CAPN2: variants seen among roughly 807,000 people sequenced by gnomAD.
The protein encoded by CAPN2 is calpain 2, also known as calpain-2 catalytic subunit.
CAPN2 carries 92 observed loss-of-function variants against 102.3 expected under a neutral mutation model. The ratio of observed to expected loss-of-function variants is 0.90; its 90% CI spans 0.76 to 1.07. The LOEUF (loss-of-function observed/expected upper bound fraction) is 1.07, where lower values mean the gene tolerates loss of function less well. CAPN2 is among the 50% of genes least tolerant of loss of function. The pLI is 0.00. For synonymous variants in CAPN2, 340 were observed against 355.4 expected (o/e 0.96, Z 0.49); for missense variants, 800 against 909.4 (o/e 0.88, Z 1.55).
chr1:223,707,331 A>G (rs1216603344), intron 1 of CAPN2, among the ~76,000 whole-genome samples: 2 of 151,864 alleles, frequency 1.3e-5, no homozygotes, highest in Non-Finnish European at 2.9e-5. Context: ...GCCCAGACCC[A>G]GGCAGTTCTG....
At position 223,712,593 on chromosome 1, in the gene CAPN2, G is replaced by A. The variant is rs1659759101; in HGVS notation, c.-48G>A. On this transcript the variant is annotated 5_prime_UTR_variant, in exon 1 of 21. Transcript: ENST00000295006. Reference sequence around the variant, plus strand: ...CCGCGCCCCAGCCGAGCGCAGCGCGGAGTCGCCCCGACCTTTCTCTGCGCA... The same window carrying A: ...CCGCGCCCCAGCCGAGCGCAGCGCGAAGTCGCCCCGACCTTTCTCTGCGCA... The A allele has an allele frequency of 6.8e-7, 1 of 1,460,884 alleles. No individual in the cohort carries two copies. Among genetic ancestry groups the A allele is most frequent in the Non-Finnish European group, 9.0e-7 (1 of 1,106,376 alleles). 90.5% of individuals were successfully genotyped at this position (1,460,884 alleles called of 1,614,324 possible).
chr1:223,763,914 CA>C (rs1247006355), intron 14 of CAPN2, among the ~76,000 whole-genome samples: 2 of 152,124 alleles, frequency 1.3e-5, no homozygotes, highest in African/African-American at 4.8e-5. Context: ...CAGTCCAGCC[CA>C]GCCTGGGTGT....
intron 5 of CAPN2, among the ~76,000 whole-genome samples, chr1:223,748,434 A>C (rs1660802842): frequency 6.6e-6 from 1 of 152,254 alleles, no homozygotes; most frequent in South Asian, 2.1e-4. Flanking sequence ...TCCCAGGCTC[A>C]ACCTTCATCA....
At position 223,752,826 on chromosome 1, in the gene CAPN2, T is replaced by G; in HGVS notation, c.1005T>G (p.Tyr335Ter). The change falls in exon 9 of 21, where the codon TAT becomes TAG. Residue 335 changes from tyrosine (Y) to a stop codon, truncating the protein, a stop_gained. Coordinates refer to ENST00000295006, the MANE Select transcript of CAPN2 (RefSeq NM_001748.5). LOFTEE classifies it high-confidence loss of function. ...WMSFSDFLRH[Y>*]SRLEICNLTP... ...CTTTCAGTGACTTCCTGAGGCACTA[T>G]TCCCGCCTGGAGATCTGTAACCTGA... 1 of 1,614,158 alleles carries G rather than the reference T, an allele frequency of 6.2e-7. No individual in the cohort carries two copies. The highest frequency in any genetic ancestry group is 8.5e-7 in the Non-Finnish European group (1 of 1,180,016).
At chr1:223,703,587 A>G (rs1483398512) in intron 1 of CAPN2, among the ~76,000 whole-genome samples, 1 of 152,168 alleles carries the variant, frequency 6.6e-6, no homozygotes, top group Non-Finnish European at 1.5e-5. Context: ...TCAGAGTGGC[A>G]CTGCAGTCTA....
rs965428482 is a variant in CAPN2 at position 223,743,988 on chromosome 1, G to T, written c.308-112G>T. 4.0e-6 allele frequency: 3 copies of T among 747,976 alleles called. No homozygotes were observed. In the African/African-American group the frequency reaches 5.2e-5, roughly 13 times the overall value. 46.3% of individuals were successfully genotyped at this position (747,976 alleles called of 1,614,324 possible). On this transcript the variant is annotated intron_variant, in intron 2 of 20. Coordinates refer to ENST00000295006, the MANE Select transcript of CAPN2 (RefSeq NM_001748.5). ...GGGGGACTGCCTGAAACTTCACTCT[G>T]TCTATTCACAGGTTGTCTTAGGCTT...
chr1:223,724,038 G>A (rs527898475), intron 2 of CAPN2, among the ~76,000 whole-genome samples: 13 of 151,704 alleles, frequency 8.6e-5, no homozygotes, highest in South Asian at 8.3e-4. Context: ...GCCCCTATAC[G>A]GCCATAGTTG....
At chr1:223,729,134 C>T (rs1379409172) in intron 2 of CAPN2, among the ~76,000 whole-genome samples, 1 of 152,126 alleles carries the variant, frequency 6.6e-6, no homozygotes, top group Non-Finnish European at 1.5e-5. Context: ...CTACAGGTGG[C>T]CCCAGAATTG....
chr1:223,717,857 G>T (rs182261796), intron 2 of CAPN2, 26 bp downstream of exon 2: 1 of 1,572,636 alleles, frequency 6.4e-7, no homozygotes, highest in East Asian at 2.2e-5. Flanking sequence ...AGAGCAAGCT[G>T]GGGGATCTTG....
At chr1:223,763,122 C>A (rs984041587) in intron 14 of CAPN2, among the ~76,000 whole-genome samples, 2 of 151,816 alleles carry the variant, frequency 1.3e-5, no homozygotes, top group African/African-American at 2.4e-5. Flanking sequence ...CATACCTGGC[C>A]ACTTCCCTGT....
rs1034259795 is a variant in CAPN2 at position 223,731,821 on chromosome 1, G to A, written c.308-12279G>A. Among the ~76,000 whole-genome samples the A allele has an allele frequency of 2.0e-5, 3 of 152,198 alleles. No individual in the cohort carries two copies. Among genetic ancestry groups the A allele is most frequent in the East Asian group, 1.9e-4 (1 of 5,188 alleles). On this transcript the variant is annotated intron_variant, in intron 2 of 20. Transcript: ENST00000295006. This position sits in a 1 kb window ranked among gnomAD's most constrained non-coding sequence, Gnocchi z 4.2. ...GGCATCTGGGAGTCTGGGCTGCCCC[G>A]TAGCAGCTCTGTGTTCTGCCTGCTC...
chr1:223,726,905 C>A lies in CAPN2; in HGVS notation c.307+9074C>A, dbSNP rs1403470711. 6.6e-6 allele frequency among the ~76,000 whole-genome samples: 1 copy of A among 152,180 alleles called. No individual in the cohort carries two copies. The highest frequency in any genetic ancestry group is 1.5e-5 in the Non-Finnish European group (1 of 68,026). On this transcript the variant is annotated intron_variant, in intron 2 of 20. Coordinates refer to ENST00000295006, the MANE Select transcript of CAPN2 (RefSeq NM_001748.5). This position sits in a 1 kb window ranked among gnomAD's most constrained non-coding sequence, Gnocchi z 4.4. The stretch of plus-strand genomic sequence containing the variant: ...GGGTGACTCATCAGCTACCCTCTCG[C>A]AGGCCTAGCACGCTGGCGGGGTGTG...
chr1:223,764,244 T>A, intron 15 of CAPN2, 37 bp downstream of exon 15: 1 of 1,568,906 alleles, frequency 6.4e-7, no homozygotes, highest in Non-Finnish European at 8.8e-7. Context: ...CATCCTGCTC[T>A]TTCCCCTGTG....
chr1:223,730,340 T>G (rs1338822747), intron 2 of CAPN2, among the ~76,000 whole-genome samples: 4 of 2,052 alleles, frequency 1.9e-3, no homozygotes, highest in Admixed American at 6.4e-3. Flanking sequence ...TATTATGAGA[T>G]TTTTTTTTTT....
chr1:223,739,924 A>G (rs1271178762), intron 2 of CAPN2, among the ~76,000 whole-genome samples: 2 of 152,216 alleles, frequency 1.3e-5, no homozygotes, highest in East Asian at 1.9e-4. Flanking sequence ...TATCCGGACC[A>G]GGATATAACA....
chr1:223,741,171 C>T (rs1056646112), intron 2 of CAPN2, among the ~76,000 whole-genome samples: 4 of 115,742 alleles, frequency 3.5e-5, no homozygotes, highest in South Asian at 5.5e-4. Flanking sequence ...TCACTGAGAA[C>T]GCTTACACGA....
At chr1:223,723,288 C>T (rs1305736851) in intron 2 of CAPN2, among the ~76,000 whole-genome samples, 1 of 152,142 alleles carries the variant, frequency 6.6e-6, no homozygotes, top group African/African-American at 2.4e-5. Flanking sequence ...GTTCTGGAGC[C>T]ACTGCACTCC....
At position 223,759,488 on chromosome 1, in the gene CAPN2, G is replaced by A. The variant is rs985885163; in HGVS notation, c.1529+7G>A. ...AAAAGAAAGCTGACTACCAGTAGGC[G>A]GTTTGGTCCCTTCCTCTCCCCACCC... On this transcript the variant is annotated splice_region_variant and intron_variant, in intron 12 of 20. Coordinates refer to ENST00000295006, the MANE Select transcript of CAPN2 (RefSeq NM_001748.5). The surrounding 1 kb of genome is among the most constrained non-coding windows in gnomAD (Gnocchi z 4.6). The A allele has an allele frequency of 9.3e-6, 15 of 1,612,704 alleles. No individual in the cohort carries two copies. The highest frequency in any genetic ancestry group is 4.0e-5 in the African/African-American group (3 of 74,900).
chr1:223,728,796 C>G (rs1037172662), intron 2 of CAPN2, among the ~76,000 whole-genome samples: 3 of 152,180 alleles, frequency 2.0e-5, no homozygotes, highest in Admixed American at 2.0e-4. Context: ...GCTGATGTGC[C>G]AGCTTCAGGA....
Sources: allele counts gnomAD v4.1 joint callset (sites outside exome capture counted in the v4.1 genomes callset), GRCh38; gene constraint gnomAD v4.1.1; non-coding constraint Gnocchi (gnomAD v3.1); transcripts MANE v1.5; gene names NCBI Gene and HGNC (gene_info 2026-07-23, HGNC 2026-07-21).